Variants in ZC3H7B observed in about 807,000 individuals in gnomAD.
ZC3H7B encodes the protein zinc finger CCCH domain-containing protein 7B.
Under a neutral mutation model 116.0 loss-of-function variants are expected in ZC3H7B, and 35 were observed. That is an observed-to-expected ratio of 0.30 (90% CI 0.23 to 0.40). The LOEUF (loss-of-function observed/expected upper bound fraction) is 0.40, where lower values mean the gene tolerates loss of function less well. ZC3H7B is among the 10% of genes least tolerant of loss of function. ZC3H7B has a pLI of 1.00. For synonymous variants in ZC3H7B, 502 were observed against 545.6 expected (o/e 0.92, Z 1.11); for missense variants, 1,011 against 1,321.5 (o/e 0.77, Z 3.64).
In ZC3H7B at chr22:41,351,293, C is replaced by T. The variant is rs897246943; in HGVS notation, c.1949-268C>T. Among the ~76,000 whole-genome samples, 2 of 152,200 alleles carry T rather than the reference C, an allele frequency of 1.3e-5. No individual in the cohort carries two copies. The highest frequency in any genetic ancestry group is 4.8e-5 in the African/African-American group (2 of 41,442). On this transcript the variant is annotated intron_variant, in intron 16 of 22. Coordinates refer to ENST00000352645, the MANE Select transcript of ZC3H7B (RefSeq NM_017590.6). The surrounding 1 kb of genome is among the most constrained non-coding windows in gnomAD (Gnocchi z 5.1). Reference sequence around the variant, plus strand: ...CATGGGAGCAGAGGACTCCCTACCACAGTACAGAGCCAATATCTTTCTACT... The same window carrying T: ...CATGGGAGCAGAGGACTCCCTACCATAGTACAGAGCCAATATCTTTCTACT...
intron 11 of ZC3H7B, among the ~76,000 whole-genome samples, chr22:41,341,891 G>A (rs983648304): frequency 6.6e-6 from 1 of 151,904 alleles, no homozygotes; most frequent in Non-Finnish European, 1.5e-5. Context: ...GTGATACCCC[G>A]TCTCTATTAA....
In ZC3H7B at chr22:41,356,246, C is replaced by G. The variant is rs2036715459; in HGVS notation, c.2384-97C>G. ...GAGGCTGAGCGGCCTATCAGCAGGA[C>G]TTGGGACGCCCACGGCTCCCAAATC... On this transcript the variant is annotated intron_variant, in intron 20 of 22. Coordinates refer to ENST00000352645, the MANE Select transcript of ZC3H7B (RefSeq NM_017590.6). 3 of 1,570,966 alleles carry G rather than the reference C, an allele frequency of 1.9e-6. No homozygotes were observed. In the Admixed American group the frequency reaches 5.4e-5, roughly 28 times the overall value.
chr22:41,321,072 A>G (rs2036250334), intron 2 of ZC3H7B, among the ~76,000 whole-genome samples: 1 of 151,962 alleles, frequency 6.6e-6, no homozygotes, highest in Non-Finnish European at 1.5e-5. Context: ...GGACCTTCAC[A>G]TCTGTGTCTT....
intron 14 of ZC3H7B, among the ~76,000 whole-genome samples, chr22:41,347,808 AC>A (rs1036872008): frequency 1.3e-5 from 2 of 151,876 alleles, no homozygotes; most frequent in African/African-American, 4.8e-5. Context: ...ACATGAAGTA[AC>A]CCCCTGCCTC....
intron 1 of ZC3H7B, among the ~76,000 whole-genome samples, chr22:41,314,071 CAGTG>C (rs1420278909): frequency 2.6e-5 from 4 of 151,408 alleles, no homozygotes; most frequent in African/African-American, 9.7e-5. Context: ...TTTTTTTAAT[CAGTG>C]AGTTTGAGTA....
intron 5 of ZC3H7B, among the ~76,000 whole-genome samples, 198 bp from the exon 6 acceptor site, chr22:41,329,825 A>G (rs2036359630): frequency 6.6e-6 from 1 of 152,254 alleles, no homozygotes; most frequent in Admixed American, 6.5e-5. Context: ...AAACAGAAGC[A>G]TGGGATGGTG....
intron 15 of ZC3H7B, among the ~76,000 whole-genome samples, 170 bp downstream of exon 15, chr22:41,348,337 C>G (rs1213637410): frequency 6.6e-6 from 1 of 152,224 alleles, no homozygotes; most frequent in Non-Finnish European, 1.5e-5. Context: ...ATGAGAATCA[C>G]ATTTGTCGAA....
Position 41,304,493 on chromosome 22 carries a change from A to G in ZC3H7B, c.-7+2721A>G, listed in dbSNP as rs117497615. ...TGAGATGCTGTGGGGCAGGTTTGCA[A>G]TTGACTTTGTCATTTATTATCTGGC... is the stretch of plus-strand genomic sequence containing the variant. On this transcript the variant is annotated intron_variant, in intron 1 of 22. Coordinates refer to ENST00000352645, the MANE Select transcript of ZC3H7B (RefSeq NM_017590.6). Among the ~76,000 whole-genome samples, 432 of 152,320 alleles carry G rather than the reference A, an allele frequency of 2.8e-3. 8 individuals are homozygous for G. The East Asian group carries it at 0.047, about 17-fold the overall frequency.
At chr22:41,352,529 G>A (rs1286395024) in intron 17 of ZC3H7B, among the ~76,000 whole-genome samples, 2 of 152,220 alleles carry the variant, frequency 1.3e-5, no homozygotes, top group East Asian at 3.8e-4. Context: ...TTGGGAGACT[G>A]AGGCGGGCGG....
chr22:41,320,851 A>G (rs1601770476), intron 2 of ZC3H7B, 138 bp downstream of exon 2: 2 of 1,165,140 alleles, frequency 1.7e-6, no homozygotes, highest in Non-Finnish European at 2.5e-6. Context: ...GGGTGCGGGC[A>G]GGTGGGAGGA....
At chr22:41,330,421 C>T (rs920429024) in intron 6 of ZC3H7B, among the ~76,000 whole-genome samples, 2 of 152,214 alleles carry the variant, frequency 1.3e-5, no homozygotes, top group African/African-American at 4.8e-5. Flanking sequence ...TCTCAACACC[C>T]ATATGGTGCA....
intron 1 of ZC3H7B, 66 bp from the exon 2 acceptor site, chr22:41,320,589 A>G: frequency 1.9e-6 from 3 of 1,583,030 alleles, no homozygotes; most frequent in South Asian, 2.2e-5. Context: ...GGACCCACGA[A>G]GTGGTGGTGG....
intron 1 of ZC3H7B, among the ~76,000 whole-genome samples, chr22:41,311,727 G>C (rs1280886800): frequency 6.6e-6 from 1 of 152,040 alleles, no homozygotes. Context: ...AAATGCAAGA[G>C]CTCATCTGGG....
chr22:41,341,103 A>G lies in ZC3H7B; in HGVS notation c.1154A>G (p.Gln385Arg). 2 of 1,613,786 alleles carry G rather than the reference A, an allele frequency of 1.2e-6. No individual in the cohort carries two copies. Among genetic ancestry groups the G allele is most frequent in the Non-Finnish European group, 1.7e-6 (2 of 1,179,824 alleles). Residue 385 changes from glutamine to arginine, a missense_variant, in exon 11 of 23, where the codon CAG (glutamine) becomes CGG (arginine). By Grantham distance (43) the Gln-to-Arg change is conservative. This residue lies in a region of ZC3H7B where 99 missense variants were observed against 89.5 expected (regional missense o/e 1.11). Transcript: ENST00000352645. ...PDSFMEETNSQDHRPPSGAQK... is the reference protein window; with the variant it reads ...PDSFMEETNSRDHRPPSGAQK... ...CCCTGCCCAGAGGAGACCAACTCAC[A>G]GGACCACCGTCCCCCTAGCGGTGCT...
At chr22:41,320,506 G>T (rs1299543702) in intron 1 of ZC3H7B, 149 bp from the exon 2 acceptor site, 9 of 854,272 alleles carry the variant, frequency 1.1e-5, no homozygotes, top group Middle Eastern at 2.2e-4. Flanking sequence ...CCTGAGGGTG[G>T]TCATCGCCCT....
At position 41,311,817 on chromosome 22, in the gene ZC3H7B, A is replaced by G. The variant is rs1173803285; in HGVS notation, c.-6-8838A>G. Among the ~76,000 whole-genome samples the G allele has an allele frequency of 2.6e-5, 4 of 152,096 alleles. No homozygotes were observed. In the East Asian group the frequency reaches 5.8e-4, roughly 22 times the overall value. ...GTTGGTCTTGAGACCTGGGCAGAAT[A>G]AGACGAGCCCCCAACAGAGAAATCT... On this transcript the variant is annotated intron_variant, in intron 1 of 22. Coordinates refer to ENST00000352645, the MANE Select transcript of ZC3H7B (RefSeq NM_017590.6).
intron 6 of ZC3H7B, among the ~76,000 whole-genome samples, chr22:41,331,332 C>T (rs527749679): frequency 1.3e-5 from 2 of 149,682 alleles, no homozygotes; most frequent in African/African-American, 2.4e-5. Context: ...GGGAGGATCA[C>T]GAGGTCAGGA....
rs1408217326 is a variant in ZC3H7B at position 41,338,989 on chromosome 22, C to T, written c.626-12C>T. The T allele has an allele frequency of 1.3e-6, 2 of 1,542,274 alleles. No individual in the cohort carries two copies. The highest frequency in any genetic ancestry group is 1.2e-5 in the South Asian group (1 of 80,890). ...AGTGCTCCCCTTCGGCTCTTGCCCA[C>T]CCCATCCGCAGACTGCTACGTGGAC... On this transcript the variant is annotated splice_polypyrimidine_tract_variant and intron_variant, in intron 8 of 22. Transcript: ENST00000352645. This position sits in a 1 kb window ranked among gnomAD's most constrained non-coding sequence, Gnocchi z 4.5.
rs573083668 is a variant in ZC3H7B at position 41,306,201 on chromosome 22, G to T, written c.-7+4429G>T. On this transcript the variant is annotated intron_variant, in intron 1 of 22. Transcript: ENST00000352645. ...CCTCAGTTTCCCCTTCTGAAAAGGA[G>T]CCCTGAGATTTGATGATATTTAATG... Among the ~76,000 whole-genome samples, 56 of 152,230 alleles carry T rather than the reference G, an allele frequency of 3.7e-4. 1 individual carries two copies. In the East Asian group the frequency reaches 6.0e-3, roughly 16 times the overall value.
Sources: allele counts gnomAD v4.1 joint callset (sites outside exome capture counted in the v4.1 genomes callset), GRCh38; gene constraint gnomAD v4.1.1; regional missense constraint gnomAD v4.1.1; non-coding constraint Gnocchi (gnomAD v3.1); transcripts MANE v1.5; gene names NCBI Gene and HGNC (gene_info 2026-07-23, HGNC 2026-07-21).